Variants in ADARB2 observed in about 807,000 individuals in gnomAD.
The protein encoded by ADARB2 is adenosine deaminase RNA specific B2 (inactive).
In ADARB2, 25 loss-of-function variants were observed where a neutral mutation model predicts 62.2. The observed-to-expected ratio is 0.40, with a 90% CI of 0.29 to 0.56. The LOEUF (loss-of-function observed/expected upper bound fraction) is 0.56. Ranked by LOEUF, ADARB2 falls within the 20% of genes least tolerant of loss-of-function variation. ADARB2 has a pLI of 0.43. For missense variants in ADARB2, 1,071 were observed against 1,077.4 expected, an observed-to-expected ratio of 0.99 and a Z score of 0.08; for synonymous variants, 572 against 500.8, an observed-to-expected ratio of 1.14 and a Z score of -1.90.
intron 1 of ADARB2, among the ~76,000 whole-genome samples, chr10:1,647,661 T>C (rs1346113865): frequency 1.3e-5 from 2 of 152,058 alleles, no homozygotes; most frequent in Admixed American, 6.6e-5. Context: ...TATATGAGTA[T>C]ATATGTGTAT....
intron 1 of ADARB2, among the ~76,000 whole-genome samples, chr10:1,395,411 T>A (rs1323867922): frequency 6.6e-6 from 1 of 152,048 alleles, no homozygotes; most frequent in Non-Finnish European, 1.5e-5. Flanking sequence ...TTCACAGAGG[T>A]CCTGACAGTT....
intron 7 of ADARB2, among the ~76,000 whole-genome samples, chr10:1,203,830 A>C (rs888521674): frequency 3.3e-5 from 5 of 152,032 alleles, no homozygotes; most frequent in Non-Finnish European, 7.4e-5. Context: ...GTGGACCTCA[A>C]AGTGGGATGT....
At chr10:1,231,521 C>A (rs867206600) in intron 6 of ADARB2, among the ~76,000 whole-genome samples, 1 of 152,074 alleles carries the variant, frequency 6.6e-6, no homozygotes, top group African/African-American at 2.4e-5. Flanking sequence ...TCTTGTGGGG[C>A]CACACTGGGC....
At chr10:1,716,014 C>T (rs892352937) in intron 1 of ADARB2, among the ~76,000 whole-genome samples, 19 of 152,176 alleles carry the variant, frequency 1.2e-4, no homozygotes, top group African/African-American at 3.4e-4. Flanking sequence ...ACTCCCCTCC[C>T]GCCCGCTGAG....
At position 1,422,378 on chromosome 10, in the gene ADARB2, G is replaced by A. The variant is rs770694797; in HGVS notation, c.101-43218C>T. ...GACTCGGGAGTGAGAGGGAGGCACT[G>A]TCAACACTTTCAGGCCAGACCAGCG... On this transcript the variant is annotated intron_variant, in intron 1 of 9. Coordinates refer to ENST00000381312, the MANE Select transcript of ADARB2 (RefSeq NM_018702.4). 7.2e-5 allele frequency among the ~76,000 whole-genome samples: 11 copies of A among 152,318 alleles called. No homozygotes were observed. The South Asian group carries it at 1.2e-3, about 17-fold the overall frequency.
intron 1 of ADARB2, among the ~76,000 whole-genome samples, chr10:1,464,111 T>C (rs12768741): frequency 0.35 from 41,887 of 120,926 alleles, 6,142 homozygotes; most frequent in Middle Eastern, 0.52. Context: ...CAGCGGGCAG[T>C]GTGCCGGAGA....
intron 1 of ADARB2, among the ~76,000 whole-genome samples, chr10:1,683,963 C>T (rs1034177770): frequency 7.2e-5 from 11 of 152,150 alleles, no homozygotes; most frequent in South Asian, 4.1e-4. Flanking sequence ...CTCCGGTGTG[C>T]GTGAAAGACC....
At chr10:1,481,871 A>AG (rs1831477515) in intron 1 of ADARB2, among the ~76,000 whole-genome samples, 1 of 147,968 alleles carries the variant, frequency 6.8e-6, no homozygotes, top group South Asian at 2.2e-4. Flanking sequence ...AAAAAAAAAA[A>AG]GAGAATAGAA....
intron 2 of ADARB2, among the ~76,000 whole-genome samples, chr10:1,371,359 A>G (rs891030413): frequency 1.3e-5 from 2 of 152,230 alleles, no homozygotes; most frequent in Non-Finnish European, 2.9e-5. Context: ...AAACCTAGGA[A>G]AAACTTCTGG....
intron 1 of ADARB2, among the ~76,000 whole-genome samples, chr10:1,579,069 G>A (rs778594136): frequency 1.4e-4 from 22 of 152,164 alleles, no homozygotes; most frequent in Non-Finnish European, 2.6e-4. Context: ...AGCCCCAGGT[G>A]CCCACACTGC....
At chr10:1,639,700 G>A (rs1202024766) in intron 1 of ADARB2, among the ~76,000 whole-genome samples, 1 of 152,132 alleles carries the variant, frequency 6.6e-6, no homozygotes, top group Non-Finnish European at 1.5e-5. Context: ...AAATTAGCTG[G>A]GTGTGGTGGC....
At chr10:1,199,909 T>TC in intron 8 of ADARB2, 57 bp downstream of exon 8, 1 of 1,445,602 alleles carries the variant, frequency 6.9e-7, no homozygotes, top group Non-Finnish European at 9.1e-7. Context: ...CGGGCACACC[T>TC]GTGTCTGGCC....
At chr10:1,548,531 G>A (rs921025038) in intron 1 of ADARB2, among the ~76,000 whole-genome samples, 1 of 152,210 alleles carries the variant, frequency 6.6e-6, no homozygotes, top group Non-Finnish European at 1.5e-5. Context: ...ATTTGGGAAG[G>A]CCAGTGAGAT....
At chr10:1,531,275 C>T (rs767075028) in intron 1 of ADARB2, among the ~76,000 whole-genome samples, 2 of 152,188 alleles carry the variant, frequency 1.3e-5, no homozygotes, top group Admixed American at 6.5e-5. Context: ...TTTCACAAGT[C>T]GATCCCATCA....
At chr10:1,459,383 A>G (rs940074116) in intron 1 of ADARB2, among the ~76,000 whole-genome samples, 1 of 152,230 alleles carries the variant, frequency 6.6e-6, no homozygotes, top group Non-Finnish European at 1.5e-5. Flanking sequence ...TGGGACATGG[A>G]TGGAGCTGGA....
At chr10:1,729,971 A>G (rs928010831) in intron 1 of ADARB2, among the ~76,000 whole-genome samples, 8 of 152,252 alleles carry the variant, frequency 5.3e-5, no homozygotes, top group Admixed American at 3.9e-4. Flanking sequence ...GCACAGATTA[A>G]TTAAATCGAT....
chr10:1,254,775 G>T lies in ADARB2; in HGVS notation c.1193-12476C>A, dbSNP rs117664792. On this transcript the variant is annotated intron_variant, in intron 4 of 9. Transcript: ENST00000381312. ...TGAAAGAGAAACCATTGAATCAAGG[G>T]GCAGTTTCTCTTGAGCGTTGCACAC... Among the ~76,000 whole-genome samples, 933 of 152,306 alleles carry T rather than the reference G, an allele frequency of 6.1e-3. 5 individuals carry two copies. Among genetic ancestry groups the T allele is most frequent in the Non-Finnish European group, 0.01 (683 of 68,024 alleles).
intron 1 of ADARB2, among the ~76,000 whole-genome samples, chr10:1,604,414 C>T (rs1036932568): frequency 2.0e-4 from 31 of 152,138 alleles, no homozygotes; most frequent in Admixed American, 2.0e-3. Flanking sequence ...GATCTCCAGG[C>T]TGGGAACAGG....
At chr10:1,245,247 G>T (rs1359954370) in intron 4 of ADARB2, among the ~76,000 whole-genome samples, 1 of 151,586 alleles carries the variant, frequency 6.6e-6, no homozygotes, top group Non-Finnish European at 1.5e-5. Flanking sequence ...ATGAGGGAGA[G>T]GAAGAAGCCA....
Sources: gnomAD v4.1 joint callset for allele counts (sites outside exome capture counted in the v4.1 genomes callset) on GRCh38, gnomAD v4.1.1 for gene constraint, MANE v1.5 for transcripts, NCBI Gene and HGNC (gene_info 2026-07-23, HGNC 2026-07-21) for gene names.